ADAMTS18: variants seen among roughly 807,000 people sequenced by gnomAD.
ADAMTS18 encodes ADAM metallopeptidase with thrombospondin type 1 motif 18, also known as A disintegrin and metalloproteinase with thrombospondin motifs 18.
ADAMTS18 carries 157 observed loss-of-function variants against 165.9 expected under a neutral mutation model. That is an observed-to-expected ratio of 0.95 (90% confidence interval 0.83 to 1.08). ADAMTS18 has a LOEUF of 1.08. Among genes scored for constraint, ADAMTS18 ranks in the 50% least tolerant of loss-of-function variants. The probability of loss-of-function intolerance (pLI) is 0.00; values close to 1 mark genes in which losing one functional copy is unlikely to be tolerated. For synonymous variants in ADAMTS18, 782 were observed against 578.2 expected (o/e 1.35, Z -5.06); for missense variants, 2,040 against 1,534.0 (o/e 1.33, Z -5.51).
At chr16:77,430,044 C>T (rs1286553418) in intron 3 of ADAMTS18, among the ~76,000 whole-genome samples, 1 of 152,116 alleles carries the variant, frequency 6.6e-6, no homozygotes, top group Non-Finnish European at 1.5e-5. Context: ...TAGTTTAAGC[C>T]ACTACGGTGG....
chr16:77,293,324 AAC>A (rs2055404725), intron 19 of ADAMTS18, 66 bp from the exon 20 acceptor site: 85 of 1,349,722 alleles, frequency 6.3e-5, no homozygotes, highest in Non-Finnish European at 7.9e-5. Context: ...TAAAAAAAAA[AAC>A]AACACACTAA....
At position 77,359,184 on chromosome 16, in the gene ADAMTS18, G is replaced by C. The variant is rs1005540959; in HGVS notation, c.1322+134C>G. The C allele has an allele frequency of 8.5e-6, 7 of 823,780 alleles. No homozygotes were observed. In the South Asian group the frequency reaches 1.0e-4, roughly 12 times the overall value. 51.0% of individuals were successfully genotyped at this position (823,780 alleles called of 1,614,324 possible). Reference sequence around the variant, plus strand: ...TAGCCTTTAGTGAGCCCTTTGTATAGTCAGAAACTATTCTAAGCTTTACAC... The same window carrying C: ...TAGCCTTTAGTGAGCCCTTTGTATACTCAGAAACTATTCTAAGCTTTACAC... On this transcript the variant is annotated intron_variant, in intron 8 of 22. Transcript: ENST00000282849.
intron 3 of ADAMTS18, among the ~76,000 whole-genome samples, chr16:77,414,019 T>C (rs577625398): frequency 3.3e-5 from 5 of 152,186 alleles, no homozygotes; most frequent in Non-Finnish European, 5.9e-5. Flanking sequence ...TATGATGACA[T>C]AGAAATTTCT....
rs1489330978 is a variant in ADAMTS18 at position 77,320,918 on chromosome 16, C to T, written c.2287+161G>A. The stretch of plus-strand genomic sequence containing the variant: ...ACGAGGTAATGTATCGACGAAATTC[C>T]TCACAACTATCTCCCTTACTCTTGC... On this transcript the variant is annotated intron_variant, in intron 15 of 22. Coordinates refer to ENST00000282849, the MANE Select transcript of ADAMTS18 (RefSeq NM_199355.4). Among the ~76,000 whole-genome samples, 3 of 152,156 alleles carry T rather than the reference C, an allele frequency of 2.0e-5. No homozygotes were observed. In the East Asian group the frequency reaches 5.8e-4, roughly 29 times the overall value.
intron 12 of ADAMTS18, among the ~76,000 whole-genome samples, chr16:77,331,821 C>T (rs1036763094): frequency 1.3e-5 from 2 of 152,132 alleles, no homozygotes; most frequent in Non-Finnish European, 2.9e-5. Flanking sequence ...TTTTAGCCTG[C>T]GATATTCGAA....
intron 10 of ADAMTS18, among the ~76,000 whole-genome samples, chr16:77,345,857 C>T (rs1435969867): frequency 6.6e-6 from 1 of 152,148 alleles, no homozygotes; most frequent in East Asian, 1.9e-4. Context: ...CACTTTTCTG[C>T]TCAAAACCCT....
Position 77,283,844 on chromosome 16 carries a change from G to C in ADAMTS18, c.*112C>G, listed in dbSNP as rs759797504. 3.7e-6 allele frequency: 3 copies of C among 817,324 alleles called. No individual in the cohort carries two copies. Among genetic ancestry groups the C allele is most frequent in the Non-Finnish European group, 6.3e-6 (3 of 477,498 alleles). 50.6% of individuals were successfully genotyped at this position (817,324 alleles called of 1,614,324 possible). ...TCAGAGCAGGCTCCTTCATCACAGC[G>C]GCAGCTCACAGATGGTTCTCGGTGC... On this transcript the variant is annotated 3_prime_UTR_variant, in exon 23 of 23. Coordinates refer to ENST00000282849, the MANE Select transcript of ADAMTS18 (RefSeq NM_199355.4).
At chr16:77,324,860 C>G (rs2056065079) in intron 13 of ADAMTS18, among the ~76,000 whole-genome samples, 1 of 152,190 alleles carries the variant, frequency 6.6e-6, no homozygotes, top group South Asian at 2.1e-4. Flanking sequence ...CTCATTACTT[C>G]CTCCTAAGAC....
intron 10 of ADAMTS18, among the ~76,000 whole-genome samples, chr16:77,352,911 A>C (rs1037028255): frequency 1.3e-5 from 2 of 152,050 alleles, no homozygotes; most frequent in Non-Finnish European, 2.9e-5. Context: ...GATCAAGACC[A>C]CGGTGAAATC....
chr16:77,343,597 C>T (rs374060457), intron 10 of ADAMTS18, among the ~76,000 whole-genome samples: 1 of 152,072 alleles, frequency 6.6e-6, no homozygotes, highest in Non-Finnish European at 1.5e-5. Context: ...CACAGCTGGC[C>T]AGGAACAAAG....
At chr16:77,387,117 G>A (rs575521874) in intron 3 of ADAMTS18, among the ~76,000 whole-genome samples, 191 of 152,250 alleles carry the variant, frequency 1.3e-3, no homozygotes, top group South Asian at 4.6e-3. Context: ...ATGCACATGC[G>A]GTTAACTCGC....
At position 77,320,001 on chromosome 16, in the gene ADAMTS18, G is replaced by A. The variant is rs140703904; in HGVS notation, c.2380C>T (p.Leu794Phe). The A allele has an allele frequency of 5.8e-5, 94 of 1,614,040 alleles. No homozygotes were observed. Among genetic ancestry groups the A allele is most frequent in the Non-Finnish European group, 7.5e-5 (88 of 1,180,038 alleles). The change falls in exon 16 of 23, where the codon CTC (leucine) becomes TTC (phenylalanine). Residue 794 changes from leucine to phenylalanine, a missense_variant. Transcript: ENST00000282849. ...VSSSYLAVRS[L>F]SQKYYLTGGW... The stretch of plus-strand genomic sequence containing the variant: ...CCGGTGAGGTAATACTTTTGACTGA[G>A]GCTTCGAACTGCGAGGTAACTGGAG...
rs923237641 is a variant in ADAMTS18 at position 77,367,064 on chromosome 16, C to G, written c.778+377G>C. The stretch of plus-strand genomic sequence containing the variant: ...GCTACCTCCCTCACATGCTAATGTT[C>G]TTGTTTCTGGAAGTCTCTCCTTTGT... On this transcript the variant is annotated intron_variant, in intron 4 of 22. Coordinates refer to ENST00000282849, the MANE Select transcript of ADAMTS18 (RefSeq NM_199355.4). Among the ~76,000 whole-genome samples the G allele has an allele frequency of 2.0e-5, 3 of 152,150 alleles. No homozygotes were observed. In the East Asian group the frequency reaches 5.8e-4, roughly 29 times the overall value.
At chr16:77,340,339 A>C (rs1005108553) in intron 11 of ADAMTS18, among the ~76,000 whole-genome samples, 1 of 151,874 alleles carries the variant, frequency 6.6e-6, no homozygotes, top group African/African-American at 2.4e-5. Context: ...CACGCCCAGC[A>C]AATTTTTGTA....
At chr16:77,308,938 C>T (rs1203270246) in intron 16 of ADAMTS18, among the ~76,000 whole-genome samples, 2 of 152,030 alleles carry the variant, frequency 1.3e-5, no homozygotes, top group Non-Finnish European at 1.5e-5. Context: ...CTCAGTATTC[C>T]CAAACCCAAT....
intron 3 of ADAMTS18, among the ~76,000 whole-genome samples, chr16:77,388,885 A>G (rs1316190056): frequency 1.3e-5 from 2 of 152,200 alleles, no homozygotes; most frequent in Non-Finnish European, 2.9e-5. Flanking sequence ...TGTCGATTTA[A>G]TGACTAATGT....
At chr16:77,285,696 GTTGT>G (rs1410283552) in intron 22 of ADAMTS18, among the ~76,000 whole-genome samples, 3 of 152,060 alleles carry the variant, frequency 2.0e-5, no homozygotes, top group African/African-American at 7.2e-5. Context: ...CTAACAGCTG[GTTGT>G]TTGAGCTTCT....
At chr16:77,304,456 G>A (rs1378725434) in intron 16 of ADAMTS18, among the ~76,000 whole-genome samples, 1 of 152,178 alleles carries the variant, frequency 6.6e-6, no homozygotes, top group African/African-American at 2.4e-5. Context: ...GTGAGACACT[G>A]TCTCAAAAAC....
intron 17 of ADAMTS18, among the ~76,000 whole-genome samples, chr16:77,298,205 T>C (rs2055512993): frequency 6.6e-6 from 1 of 152,094 alleles, no homozygotes; most frequent in Non-Finnish European, 1.5e-5. Context: ...CATGAGCCAC[T>C]GCACCCGGCC....
Sources: gnomAD v4.1 joint callset for allele counts (sites outside exome capture counted in the v4.1 genomes callset) on GRCh38, gnomAD v4.1.1 for gene constraint, MANE v1.5 for transcripts, NCBI Gene and HGNC (gene_info 2026-07-23, HGNC 2026-07-21) for gene names.